SH3RF3: variants seen among roughly 807,000 people sequenced by gnomAD.
SH3RF3 encodes the protein E3 ubiquitin-protein ligase SH3RF3.
Under a neutral mutation model 66.3 loss-of-function variants are expected in SH3RF3, and 29 were observed. That is an observed-to-expected ratio of 0.44 (90% CI 0.33 to 0.60). The LOEUF is 0.60. SH3RF3 is among the 20% of genes least tolerant of loss of function. The probability of loss-of-function intolerance (pLI) is 0.04; values close to 1 mark genes in which losing one functional copy is unlikely to be tolerated. For missense variants in SH3RF3, 1,194 were observed against 1,190.9 expected, an observed-to-expected ratio of 1.00 and a Z score of -0.04; for synonymous variants, 583 against 532.0, an observed-to-expected ratio of 1.10 and a Z score of -1.32.
intron 1 of SH3RF3, among the ~76,000 whole-genome samples, chr2:109,224,319 A>T (rs1243590887): frequency 1.3e-5 from 2 of 152,278 alleles, no homozygotes; most frequent in African/African-American, 4.8e-5. Flanking sequence ...TATATGTCAC[A>T]TATTGGACAA....
At chr2:109,382,520 G>A (rs530523361) in intron 3 of SH3RF3, among the ~76,000 whole-genome samples, 4 of 152,238 alleles carry the variant, frequency 2.6e-5, no homozygotes, top group African/African-American at 4.8e-5. Context: ...ATGCCCTTCC[G>A]TCTTGCAGCT....
intron 7 of SH3RF3, among the ~76,000 whole-genome samples, chr2:109,441,111 T>G (rs1677550316): frequency 7.5e-6 from 1 of 132,636 alleles, no homozygotes; most frequent in African/African-American, 3.0e-5. Flanking sequence ...AGAACAAAGC[T>G]TAAGAATATT....
intron 1 of SH3RF3, among the ~76,000 whole-genome samples, chr2:109,146,354 C>G (rs1208441215): frequency 9.9e-5 from 15 of 152,144 alleles, no homozygotes; most frequent in Admixed American, 9.8e-4. Flanking sequence ...GCCAGGGCCT[C>G]AAGAGCAAAA....
At position 109,400,575 on chromosome 2, in the gene SH3RF3, GCA is replaced by G. The variant is rs369625855; in HGVS notation, c.1299+1646_1299+1647del. 2.0e-3 allele frequency among the ~76,000 whole-genome samples: 297 copies of G among 147,088 alleles called. 4 individuals carry two copies. The highest frequency in any genetic ancestry group is 9.8e-4 in the East Asian group (5 of 5,110). On this transcript the variant is annotated intron_variant, in intron 4 of 9. Transcript: ENST00000309415. ...TACGTATACACATACACACCTGTGCGCACACACACACACACTTGTGAACTTAT... is the reference window on the plus strand; with the variant it reads ...TACGTATACACATACACACCTGTGCGCACACACACACACTTGTGAACTTAT...
intron 4 of SH3RF3, among the ~76,000 whole-genome samples, chr2:109,403,222 C>CA (rs1244647560): frequency 6.6e-6 from 1 of 152,252 alleles, no homozygotes; most frequent in African/African-American, 2.4e-5. Flanking sequence ...GAGAGCCGCG[C>CA]ACTGTCCGAG....
At chr2:109,447,884 C>T (rs1677753898) in intron 7 of SH3RF3, among the ~76,000 whole-genome samples, 1 of 152,196 alleles carries the variant, frequency 6.6e-6, no homozygotes, top group African/African-American at 2.4e-5. Flanking sequence ...GGTGGATCCA[C>T]AGTTGTAAGG....
chr2:109,135,687 G>GTGAGTCTGAT (rs1284706527), intron 1 of SH3RF3, among the ~76,000 whole-genome samples: 1 of 152,084 alleles, frequency 6.6e-6, no homozygotes, highest in Non-Finnish European at 1.5e-5. Flanking sequence ...TGTGTGTGTT[G>GTGAGTCTGAT]TGAGTCTGAT....
At chr2:109,432,297 G>A (rs1677250428) in intron 5 of SH3RF3, among the ~76,000 whole-genome samples, 3 of 152,172 alleles carry the variant, frequency 2.0e-5, no homozygotes, top group Admixed American at 1.3e-4. Context: ...GCAGCTCCCC[G>A]AAGGCTCCCT....
At chr2:109,442,131 G>A (rs1261319051) in intron 7 of SH3RF3, among the ~76,000 whole-genome samples, 4 of 152,068 alleles carry the variant, frequency 2.6e-5, no homozygotes. Context: ...CTAACACAGT[G>A]AAACCCCGTC....
At chr2:109,157,290 C>G (rs769672539) in intron 1 of SH3RF3, among the ~76,000 whole-genome samples, 9 of 152,200 alleles carry the variant, frequency 5.9e-5, no homozygotes, top group Non-Finnish European at 1.0e-4. Flanking sequence ...ATTCCTGTCT[C>G]CTACAGTGAT....
intron 1 of SH3RF3, among the ~76,000 whole-genome samples, chr2:109,271,304 G>A (rs1355291886): frequency 6.6e-6 from 1 of 152,280 alleles, no homozygotes; most frequent in Middle Eastern, 3.4e-3. Context: ...TGTGAAATCT[G>A]TAAACATCTC....
At chr2:109,130,760 T>A (rs1029461058) in intron 1 of SH3RF3, among the ~76,000 whole-genome samples, 6 of 152,120 alleles carry the variant, frequency 3.9e-5, no homozygotes, top group Non-Finnish European at 7.4e-5. Flanking sequence ...ACGGGGGTCA[T>A]TTATATTTAT....
chr2:109,131,148 A>G (rs191798467), intron 1 of SH3RF3, among the ~76,000 whole-genome samples: 95 of 152,290 alleles, frequency 6.2e-4, no homozygotes, highest in African/African-American at 2.1e-3. Flanking sequence ...GGAACATTCT[A>G]GCACCTGGAT....
At chr2:109,270,708 C>A (rs1399474890) in intron 1 of SH3RF3, among the ~76,000 whole-genome samples, 1 of 152,346 alleles carries the variant, frequency 6.6e-6, no homozygotes, top group East Asian at 1.9e-4. Context: ...CTGGAGCATC[C>A]TTTGGAGACC....
chr2:109,405,141 G>A (rs1376175873), intron 4 of SH3RF3, among the ~76,000 whole-genome samples: 1 of 151,920 alleles, frequency 6.6e-6, no homozygotes, highest in Non-Finnish European at 1.5e-5. Context: ...TCACCTGCCA[G>A]CACCTCTTTT....
intron 4 of SH3RF3, among the ~76,000 whole-genome samples, chr2:109,417,375 C>T (rs13382576): frequency 0.44 from 67,413 of 151,976 alleles, 15,077 homozygotes; most frequent in Admixed American, 0.49. Context: ...GGGACACCTC[C>T]TCTTCCCTGT....
chr2:109,147,864 C>T (rs1677136263), intron 1 of SH3RF3, among the ~76,000 whole-genome samples: 1 of 152,188 alleles, frequency 6.6e-6, no homozygotes, highest in Non-Finnish European at 1.5e-5. Flanking sequence ...TCCATATATA[C>T]ATATAAAGTT....
intron 1 of SH3RF3, among the ~76,000 whole-genome samples, chr2:109,133,496 T>C (rs1404272091): frequency 1.3e-5 from 2 of 152,194 alleles, no homozygotes; most frequent in Non-Finnish European, 2.9e-5. Flanking sequence ...TTCTTTGAGT[T>C]CCAGATTGTC....
intron 1 of SH3RF3, among the ~76,000 whole-genome samples, chr2:109,133,726 T>G (rs1676750345): frequency 4.7e-5 from 7 of 150,120 alleles, no homozygotes; most frequent in Admixed American, 4.6e-4. Flanking sequence ...GGGACAATTT[T>G]TTTTTTTTTT....
Sources: gnomAD v4.1 joint callset for allele counts (sites outside exome capture counted in the v4.1 genomes callset) on GRCh38, gnomAD v4.1.1 for gene constraint, MANE v1.5 for transcripts, NCBI Gene and HGNC (gene_info 2026-07-23, HGNC 2026-07-21) for gene names.